Variants in SPPL2B observed in about 807,000 individuals in gnomAD.
SPPL2B encodes the protein signal peptide peptidase like 2B, also known as signal peptide peptidase-like 2B.
Under a neutral mutation model 59.7 loss-of-function variants are expected in SPPL2B, and 39 were observed. The ratio of observed to expected loss-of-function variants is 0.65; its 90% confidence interval spans 0.51 to 0.85. SPPL2B has a LOEUF of 0.85. Ranked by LOEUF, SPPL2B falls within the 40% of genes least tolerant of loss-of-function variation. The probability of loss-of-function intolerance (pLI) is 0.00; values close to 1 mark genes in which losing one functional copy is unlikely to be tolerated. For synonymous variants in SPPL2B, 419 were observed against 370.8 expected (o/e 1.13, Z -1.49); for missense variants, 865 against 849.0 (o/e 1.02, Z -0.23).
chr19:2,352,416 C>A (rs140442783), intron 14 of SPPL2B, among the ~76,000 whole-genome samples: 4 of 152,192 alleles, frequency 2.6e-5, no homozygotes, highest in African/African-American at 9.6e-5. Context: ...GTGCTGGCCG[C>A]GCATGGGGTC....
rs1968924599 is a variant in SPPL2B, at chr19:2,339,986, T to TGGGCCGCGGCGTGGAGATGC, written c.742+21_742+40dup. The TGGGCCGCGGCGTGGAGATGC allele has an allele frequency of 6.4e-7, 1 of 1,552,136 alleles. No homozygotes were observed. The highest frequency in any genetic ancestry group is 8.7e-7 in the Non-Finnish European group (1 of 1,147,062). On this transcript the variant is annotated intron_variant, in intron 6 of 14. Transcript: ENST00000613503. The stretch of plus-strand genomic sequence containing the variant: ...TCCTCGGTGCGCGGCCCCGGGCGGG[T>TGGGCCGCGGCGTGGAGATGC]GGGCCGCGGCGTGGAGATGCAGCCC...
intron 14 of SPPL2B, among the ~76,000 whole-genome samples, chr19:2,351,969 A>G (rs531396512): frequency 6.6e-6 from 1 of 152,170 alleles, no homozygotes; most frequent in South Asian, 2.1e-4. Flanking sequence ...TCGGGCATCC[A>G]TCGCCTCTCC....
In SPPL2B at chr19:2,351,643, C is replaced by T. The variant is rs754544753; in HGVS notation, c.1515+49C>T. On this transcript the variant is annotated intron_variant, in intron 14 of 14. Transcript: ENST00000613503. Reference sequence around the variant, plus strand: ...GTGAGAAATACTCGCCTAGTGAGCCCTAACTAGAGTTAAAGTTGAGTGAGA... The same window carrying T: ...GTGAGAAATACTCGCCTAGTGAGCCTTAACTAGAGTTAAAGTTGAGTGAGA... The T allele has an allele frequency of 7.0e-6, 11 of 1,565,844 alleles. No individual in the cohort carries two copies. The South Asian group carries it at 1.1e-4, about 15-fold the overall frequency.
chr19:2,339,144 T>C lies in SPPL2B; in HGVS notation c.535T>C (p.Phe179Leu). ...GCTGGACTACAACATGGTCATCATCTTCATCATGGCTGTGGGCACCGTCGC... is the reference window on the plus strand; with the variant it reads ...GCTGGACTACAACATGGTCATCATCCTCATCATGGCTGTGGGCACCGTCGC... ...PVLDYNMVII[F>L]IMAVGTVAIG... The change falls in exon 5 of 15, where the codon TTC (phenylalanine) becomes CTC (leucine). Residue 179 changes from phenylalanine to leucine, a missense_variant. Coordinates refer to ENST00000613503, the MANE Select transcript of SPPL2B (RefSeq NM_152988.3). The C allele has an allele frequency of 6.3e-7, 1 of 1,597,996 alleles. No homozygotes were observed. The highest frequency in any genetic ancestry group is 8.5e-7 in the Non-Finnish European group (1 of 1,172,388).
chr19:2,337,404 C>T (rs1228119147), intron 2 of SPPL2B, 39 bp from the exon 3 acceptor site: 2 of 1,535,498 alleles, frequency 1.3e-6, no homozygotes, highest in Non-Finnish European at 1.8e-6. Context: ...CCTGGTGACT[C>T]ACATCACGTG....
intron 13 of SPPL2B, among the ~76,000 whole-genome samples, chr19:2,350,360 T>C (rs1969851590): frequency 1.4e-5 from 2 of 140,380 alleles, no homozygotes; most frequent in Admixed American, 7.3e-5. Flanking sequence ...ATTCGCTTGA[T>C]TCCGTTCTCT....
At position 2,343,631 on chromosome 19, in the gene SPPL2B, C is replaced by T. The variant is rs557627174; in HGVS notation, c.1039-334C>T. Among the ~76,000 whole-genome samples the T allele has an allele frequency of 2.3e-4, 35 of 152,198 alleles. 1 individual carries two copies. In the Middle Eastern group the frequency reaches 0.014, roughly 59 times the overall value. Reference sequence around the variant, plus strand: ...GTCAAGCCCCAGGCGGCTGCACTCCCGTGAGGGCCCCACAGCACCCCAAGC... The same window carrying T: ...GTCAAGCCCCAGGCGGCTGCACTCCTGTGAGGGCCCCACAGCACCCCAAGC... On this transcript the variant is annotated intron_variant, in intron 9 of 14. Coordinates refer to ENST00000613503, the MANE Select transcript of SPPL2B (RefSeq NM_152988.3).
At chr19:2,348,195 T>G (rs1344015166) in intron 13 of SPPL2B, among the ~76,000 whole-genome samples, 1 of 109,454 alleles carries the variant, frequency 9.1e-6, no homozygotes, top group African/African-American at 4.0e-5. Context: ...TTCGCTTGAT[T>G]CCGTTCTCTC....
chr19:2,352,871 G>A, intron 14 of SPPL2B, 75 bp from the exon 15 acceptor site: 2 of 1,537,888 alleles, frequency 1.3e-6, no homozygotes, highest in Non-Finnish European at 1.8e-6. Flanking sequence ...TGCGGGTGCT[G>A]GGTGTCCTGG....
intron 13 of SPPL2B, among the ~76,000 whole-genome samples, chr19:2,350,904 T>C (rs908173579): frequency 1.3e-5 from 2 of 152,218 alleles, no homozygotes; most frequent in African/African-American, 4.8e-5. Context: ...AATCACAGGC[T>C]GCGTTCTCAG....
At chr19:2,343,747 TGTTAC>T (rs1969193216) in intron 9 of SPPL2B, among the ~76,000 whole-genome samples, 1 of 152,148 alleles carries the variant, frequency 6.6e-6, no homozygotes, top group Admixed American at 6.5e-5. Flanking sequence ...CCCGCCTTCC[TGTTAC>T]GTGGAGACTC....
intron 14 of SPPL2B, 92 bp downstream of exon 14, chr19:2,351,686 C>A: frequency 6.6e-7 from 1 of 1,508,940 alleles, no homozygotes; most frequent in Non-Finnish European, 8.9e-7. Context: ...CCACAGCCAG[C>A]CCTGCGGCCG....
At chr19:2,347,771 A>G (rs373183961) in intron 13 of SPPL2B, among the ~76,000 whole-genome samples, 1 of 34,556 alleles carries the variant, frequency 2.9e-5, no homozygotes, top group Non-Finnish European at 5.2e-5. Flanking sequence ...CCACACACAC[A>G]CACTCTCATT....
chr19:2,336,960 G>A (rs752798866), intron 2 of SPPL2B, among the ~76,000 whole-genome samples: 16 of 150,218 alleles, frequency 1.1e-4, no homozygotes, highest in East Asian at 2.0e-4. Context: ...GGCTGTGGAC[G>A]TGTGCTTGTG....
intron 1 of SPPL2B, 144 bp downstream of exon 1, chr19:2,328,919 C>A: frequency 1.4e-6 from 1 of 713,232 alleles, no homozygotes; most frequent in Non-Finnish European, 2.0e-6. Flanking sequence ...TGTCGGCCGG[C>A]GGTGCCGGGG....
intron 13 of SPPL2B, among the ~76,000 whole-genome samples, chr19:2,349,010 T>G (rs74210899): frequency 8.7e-6 from 1 of 115,402 alleles, no homozygotes. Context: ...TCTCATTCGC[T>G]TGATTCCGTT....
intron 8 of SPPL2B, chr19:2,341,467 T>TC (rs752040704): frequency 4.5e-6 from 2 of 445,924 alleles, no homozygotes; most frequent in Admixed American, 4.7e-5. Flanking sequence ...CAGGCACTGC[T>TC]CCCCCCACGC....
At chr19:2,349,786 C>CCA (rs756345850) in intron 13 of SPPL2B, among the ~76,000 whole-genome samples, 2 of 145,520 alleles carry the variant, frequency 1.4e-5, no homozygotes, top group African/African-American at 5.3e-5. Flanking sequence ...CGTTCTCTCT[C>CCA]CACACACACT....
chr19:2,352,604 G>T lies in SPPL2B; in HGVS notation c.1516-342G>T, dbSNP rs552442830. Among the ~76,000 whole-genome samples, 4 of 152,238 alleles carry T rather than the reference G, an allele frequency of 2.6e-5. 1 individual carries two copies. Among genetic ancestry groups the T allele is most frequent in the African/African-American group, 9.6e-5 (4 of 41,556 alleles). On this transcript the variant is annotated intron_variant, in intron 14 of 14. Transcript: ENST00000613503. ...TGGGGCCAGCACCCCCACCCCAAAGGTCTCCCCATTCTGATGGGCATTTCA... is the reference window on the plus strand; with the variant it reads ...TGGGGCCAGCACCCCCACCCCAAAGTTCTCCCCATTCTGATGGGCATTTCA...
Sources: gnomAD v4.1 joint callset for allele counts (sites outside exome capture counted in the v4.1 genomes callset) on GRCh38, gnomAD v4.1.1 for gene constraint, MANE v1.5 for transcripts, NCBI Gene and HGNC (gene_info 2026-07-23, HGNC 2026-07-21) for gene names.